GRM1: variants seen among roughly 807,000 people sequenced by gnomAD.
GRM1 encodes the protein glutamate metabotropic receptor 1, also known as metabotropic glutamate receptor 1.
In GRM1, 33 loss-of-function variants were observed where a neutral mutation model predicts 90.9. The ratio of observed to expected loss-of-function variants is 0.36; its 90% confidence interval spans 0.28 to 0.49. The LOEUF is 0.49. Ranked by LOEUF, GRM1 falls within the 20% of genes least tolerant of loss-of-function variation. The probability of loss-of-function intolerance (pLI) is 0.99; values close to 1 mark genes in which losing one functional copy is unlikely to be tolerated. For missense variants in GRM1, 1,190 were observed against 1,534.3 expected (o/e 0.78, Z 3.75); for synonymous variants, 700 against 613.2 (o/e 1.14, Z -2.09).
At chr6:146,322,387 G>A (rs1371335711) in intron 3 of GRM1, among the ~76,000 whole-genome samples, 1 of 152,126 alleles carries the variant, frequency 6.6e-6, no homozygotes, top group African/African-American at 2.4e-5. Flanking sequence ...ACCCACTTGA[G>A]GAGGCAGTCT....
chr6:146,244,252 G>A (rs551312944), intron 2 of GRM1, among the ~76,000 whole-genome samples: 2 of 152,228 alleles, frequency 1.3e-5, no homozygotes, highest in East Asian at 3.9e-4. Context: ...GTATTGATTA[G>A]GGAAGTGATA....
chr6:146,200,326 T>A (rs1779259357), intron 2 of GRM1, among the ~76,000 whole-genome samples: 1 of 152,190 alleles, frequency 6.6e-6, no homozygotes, highest in Admixed American at 6.5e-5. Flanking sequence ...GTTTTCAGTT[T>A]CTCATTATCC....
intron 2 of GRM1, among the ~76,000 whole-genome samples, chr6:146,179,785 G>A (rs1288985212): frequency 6.6e-6 from 1 of 152,120 alleles, no homozygotes; most frequent in Non-Finnish European, 1.5e-5. Context: ...AAAGTGCTGG[G>A]ATTACAGGCG....
At chr6:146,414,720 G>A (rs142949888) in intron 7 of GRM1, among the ~76,000 whole-genome samples, 214 of 152,230 alleles carry the variant, frequency 1.4e-3, no homozygotes, top group African/African-American at 4.6e-3. Flanking sequence ...ATTATTAATC[G>A]TATAATCTGG....
intron 2 of GRM1, among the ~76,000 whole-genome samples, chr6:146,276,493 T>C (rs1464828635): frequency 6.6e-6 from 1 of 152,164 alleles, no homozygotes; most frequent in East Asian, 1.9e-4. Flanking sequence ...ACATAATTAT[T>C]CCTCATACAT....
intron 5 of GRM1, among the ~76,000 whole-genome samples, chr6:146,361,619 C>A (rs763057425): frequency 6.6e-6 from 1 of 152,118 alleles, no homozygotes; most frequent in Non-Finnish European, 1.5e-5. Flanking sequence ...TTACAGACAT[C>A]ATTTCAATTA....
chr6:146,067,585 A>G (rs1460239041), intron 1 of GRM1, among the ~76,000 whole-genome samples: 1 of 152,070 alleles, frequency 6.6e-6, no homozygotes, highest in Non-Finnish European at 1.5e-5. Flanking sequence ...GATCCTTAGT[A>G]AAGTAATTTA....
chr6:146,172,527 A>G (rs1249794776), intron 2 of GRM1, among the ~76,000 whole-genome samples: 1 of 152,164 alleles, frequency 6.6e-6, no homozygotes, highest in Admixed American at 6.5e-5. Flanking sequence ...GACAGGTATT[A>G]GTAGTCTGTG....
Position 146,029,800 on chromosome 6 carries a change from C to A in GRM1, c.283C>A (p.Leu95Ile). The A allele has an allele frequency of 6.2e-7, 1 of 1,614,134 alleles. No homozygotes were observed. The highest frequency in any genetic ancestry group is 8.5e-7 in the Non-Finnish European group (1 of 1,180,012). Reference protein sequence around the residue: ...TLDKINADPVLLPNITLGSEI... With the variant: ...TLDKINADPVILPNITLGSEI... ...GGATAAGATCAACGCGGACCCGGTC[C>A]TCCTGCCCAACATCACCCTGGGCAG... Residue 95 changes from leucine to isoleucine, a missense_variant, in exon 1 of 8, where the codon CTC (leucine) becomes ATC (isoleucine). By Grantham distance (5) the Leu-to-Ile change is conservative. Transcript: ENST00000282753.
intron 2 of GRM1, among the ~76,000 whole-genome samples, chr6:146,273,690 CT>C (rs1029172467): frequency 1.3e-5 from 2 of 152,148 alleles, no homozygotes; most frequent in African/African-American, 4.8e-5. Flanking sequence ...GAAAGTGTTT[CT>C]TTTATAAACC....
At chr6:146,194,283 T>G (rs1028895633) in intron 2 of GRM1, among the ~76,000 whole-genome samples, 2 of 152,190 alleles carry the variant, frequency 1.3e-5, no homozygotes, top group African/African-American at 4.8e-5. Flanking sequence ...TAATGACATC[T>G]TCTTTGTTGT....
chr6:146,293,614 G>A (rs946438661), intron 2 of GRM1, among the ~76,000 whole-genome samples: 11 of 151,694 alleles, frequency 7.3e-5, no homozygotes, highest in Admixed American at 2.6e-4. Flanking sequence ...ATCCTTAATC[G>A]GAAAGTTATA....
At chr6:146,322,898 T>C (rs1450858336) in intron 3 of GRM1, among the ~76,000 whole-genome samples, 1 of 152,090 alleles carries the variant, frequency 6.6e-6, no homozygotes, top group South Asian at 2.1e-4. Flanking sequence ...TGATGGTTTC[T>C]AGATTCATCC....
chr6:146,082,496 T>G (rs1776398260), intron 1 of GRM1, among the ~76,000 whole-genome samples: 1 of 152,168 alleles, frequency 6.6e-6, no homozygotes, highest in Admixed American at 6.5e-5. Flanking sequence ...CTTTCCTATC[T>G]GGGATTTATT....
chr6:146,103,288 CAT>C (rs1281627905), intron 1 of GRM1, among the ~76,000 whole-genome samples: 6 of 151,996 alleles, frequency 3.9e-5, no homozygotes, highest in African/African-American at 1.5e-4. Flanking sequence ...TGAGGGACAC[CAT>C]GATGTGTAGT....
chr6:146,319,799 T>G (rs1172425496), intron 3 of GRM1, among the ~76,000 whole-genome samples: 1 of 152,226 alleles, frequency 6.6e-6, no homozygotes. Flanking sequence ...GCTTGTGATT[T>G]TTGCACATTG....
chr6:146,433,657 A>G (rs1778493883), intron 7 of GRM1, among the ~76,000 whole-genome samples: 1 of 152,066 alleles, frequency 6.6e-6, no homozygotes, highest in Non-Finnish European at 1.5e-5. Context: ...TCTACAACAG[A>G]CTGGCTTTTC....
chr6:146,299,152 A>G (rs1281355877), intron 2 of GRM1, among the ~76,000 whole-genome samples: 1 of 152,170 alleles, frequency 6.6e-6, no homozygotes, highest in Non-Finnish European at 1.5e-5. Context: ...TTCTCAAAGC[A>G]CTTGATACTT....
At chr6:146,386,478 A>G (rs1776508371) in intron 5 of GRM1, among the ~76,000 whole-genome samples, 1 of 152,118 alleles carries the variant, frequency 6.6e-6, no homozygotes, top group Non-Finnish European at 1.5e-5. Flanking sequence ...CTTAGCTTTG[A>G]TGAATTAAAA....
Sources: allele counts gnomAD v4.1 joint callset (sites outside exome capture counted in the v4.1 genomes callset), GRCh38; gene constraint gnomAD v4.1.1; transcripts MANE v1.5; gene names NCBI Gene and HGNC (gene_info 2026-07-23, HGNC 2026-07-21).